SAMTOR: variants seen among roughly 807,000 people sequenced by gnomAD.
SAMTOR encodes the protein UPF0532 protein C7orf60.
chr7:112,821,735 G>T, the SAMTOR span: 3 of 1,569,814 alleles, frequency 1.9e-6, no homozygotes, highest in Admixed American at 2.0e-5. Context: ...GGGGCTTTTT[G>T]CTTCTATATT....
At chr7:112,924,035 G>A in the SAMTOR span, among the ~76,000 whole-genome samples, 3 of 148,630 alleles carry the variant, frequency 2.0e-5, no homozygotes, top group African/African-American at 7.5e-5. Context: ...ACACTCTGGG[G>A]TCTGTTGTGG....
At chr7:112,926,929 G>A in the SAMTOR span, among the ~76,000 whole-genome samples, 1 of 151,946 alleles carries the variant, frequency 6.6e-6, no homozygotes, top group Non-Finnish European at 1.5e-5. Context: ...TAAAAGTCTG[G>A]TGGTTATAAA....
At chr7:112,902,437 A>C in the SAMTOR span, among the ~76,000 whole-genome samples, 5 of 71,342 alleles carry the variant, frequency 7.0e-5, 1 homozygote, top group South Asian at 5.6e-4. Flanking sequence ...AACAAAAAAA[A>C]ACAAAAAAAA....
At chr7:112,916,884 C>A in the SAMTOR span, among the ~76,000 whole-genome samples, 4 of 152,204 alleles carry the variant, frequency 2.6e-5, no homozygotes, top group Non-Finnish European at 5.9e-5. Context: ...GGCAGCGAGA[C>A]TGGGGGAGGG....
chr7:112,929,693 T>C, the SAMTOR span, among the ~76,000 whole-genome samples: 11 of 151,982 alleles, frequency 7.2e-5, no homozygotes, highest in African/African-American at 2.7e-4. Context: ...GGTGAATCTA[T>C]AGTGAAAAGA....
At chr7:112,923,618 T>C in the SAMTOR span, among the ~76,000 whole-genome samples, 4 of 152,176 alleles carry the variant, frequency 2.6e-5, no homozygotes, top group African/African-American at 9.7e-5. Flanking sequence ...GTTCAACCAT[T>C]GTGGAAGTCA....
At chr7:112,911,251 A>G in the SAMTOR span, among the ~76,000 whole-genome samples, 1 of 152,158 alleles carries the variant, frequency 6.6e-6, no homozygotes, top group Non-Finnish European at 1.5e-5. Flanking sequence ...GAGTGGAACT[A>G]AAAAGCAGAA....
the SAMTOR span, among the ~76,000 whole-genome samples, chr7:112,905,891 A>G: frequency 6.6e-6 from 1 of 152,206 alleles, no homozygotes; most frequent in Non-Finnish European, 1.5e-5. Context: ...GACAAGAGAA[A>G]AAGATTTAGT....
chr7:112,847,606 C>A, the SAMTOR span, among the ~76,000 whole-genome samples: 2 of 151,996 alleles, frequency 1.3e-5, no homozygotes, highest in African/African-American at 4.8e-5. Context: ...TGGAGAAACC[C>A]TGTCTCTACT....
At chr7:112,911,592 G>A in the SAMTOR span, among the ~76,000 whole-genome samples, 1 of 151,794 alleles carries the variant, frequency 6.6e-6, no homozygotes, top group South Asian at 2.1e-4. Context: ...AAAAGAAACA[G>A]ACCCACAGAT....
chr7:112,872,682 CA>C, the SAMTOR span, among the ~76,000 whole-genome samples: 3 of 151,780 alleles, frequency 2.0e-5, no homozygotes, highest in African/African-American at 7.3e-5. Context: ...GAGAGGAAGT[CA>C]ATTATCTCTC....
the SAMTOR span, among the ~76,000 whole-genome samples, chr7:112,872,764 T>G: frequency 1.3e-5 from 2 of 150,322 alleles, no homozygotes; most frequent in Non-Finnish European, 3.0e-5. Context: ...AAACAGTCAG[T>G]GAAGTTTCAG....
chr7:112,901,715 T>C, the SAMTOR span, among the ~76,000 whole-genome samples: 1 of 152,044 alleles, frequency 6.6e-6, no homozygotes, highest in Non-Finnish European at 1.5e-5. Flanking sequence ...CTTAAAACTC[T>C]GTAAGAATGC....
At chr7:112,882,195 T>G in the SAMTOR span, among the ~76,000 whole-genome samples, 1 of 152,198 alleles carries the variant, frequency 6.6e-6, no homozygotes. Context: ...CCATGTTCAC[T>G]CACACACCCC....
the SAMTOR span, among the ~76,000 whole-genome samples, chr7:112,878,966 T>C: frequency 1.3e-5 from 2 of 151,856 alleles, no homozygotes; most frequent in African/African-American, 4.8e-5. Context: ...GAATTGATAG[T>C]AGGACTTGGT....
At chr7:112,935,557 C>G in the SAMTOR span, among the ~76,000 whole-genome samples, 1 of 143,140 alleles carries the variant, frequency 7.0e-6, no homozygotes. Flanking sequence ...TTAAGAATAC[C>G]TCTTTTAACA....
the SAMTOR span, among the ~76,000 whole-genome samples, chr7:112,882,766 TA>T: frequency 0.73 from 88,016 of 120,536 alleles, 31,538 homozygotes; most frequent in East Asian, 0.88. Flanking sequence ...CATCTTTTTT[TA>T]AAAAAAAAAA....
the SAMTOR span, among the ~76,000 whole-genome samples, chr7:112,917,897 AAAAAAGAAT>A: frequency 6.6e-6 from 1 of 152,190 alleles, no homozygotes; most frequent in East Asian, 1.9e-4. Context: ...AAGTTTAGAG[AAAAAAGAAT>A]AAAAAGAAAT....
the SAMTOR span, among the ~76,000 whole-genome samples, chr7:112,931,695 C>T: frequency 7.9e-5 from 12 of 152,232 alleles, no homozygotes; most frequent in African/African-American, 2.6e-4. Context: ...AATGGATACT[C>T]ACATGCTGCT....
Sources: gnomAD v4.1 joint callset for allele counts (sites outside exome capture counted in the v4.1 genomes callset) on GRCh38, gnomAD v4.1.1 for gene constraint, MANE v1.5 for transcripts, NCBI Gene and HGNC (gene_info 2026-07-23, HGNC 2026-07-21) for gene names.